Variants in L3MBTL4 observed in about 807,000 individuals in gnomAD.
The protein encoded by L3MBTL4 is L3MBTL histone methyl-lysine binding protein 4, also known as lethal(3)malignant brain tumor-like protein 4.
Under a neutral mutation model 84.5 loss-of-function variants are expected in L3MBTL4, and 70 were observed. The ratio of observed to expected loss-of-function variants is 0.83; its 90% CI spans 0.68 to 1.01. L3MBTL4 has a LOEUF of 1.01. L3MBTL4 is among the 50% of genes least tolerant of loss of function. L3MBTL4 has a pLI of 0.00. For missense variants in L3MBTL4, 715 were observed against 754.8 expected, an observed-to-expected ratio of 0.95 and a Z score of 0.62; for synonymous variants, 274 against 259.8, an observed-to-expected ratio of 1.05 and a Z score of -0.52.
intron 16 of L3MBTL4, among the ~76,000 whole-genome samples, chr18:6,066,186 A>G (rs1352810737): frequency 1.3e-5 from 2 of 152,084 alleles, no homozygotes; most frequent in Non-Finnish European, 1.5e-5. Context: ...TTTGGAGTTG[A>G]TTTCCAGTTT....
intron 16 of L3MBTL4, chr18:6,031,453 G>A (rs2055796851): frequency 1.0e-6 from 1 of 985,286 alleles, no homozygotes; most frequent in Non-Finnish European, 1.2e-6. Context: ...ACCATTCTTT[G>A]CCTCTTGAGA....
chr18:6,268,521 T>C (rs1213664347), intron 4 of L3MBTL4, among the ~76,000 whole-genome samples: 1 of 152,236 alleles, frequency 6.6e-6, no homozygotes, highest in African/African-American at 2.4e-5. Context: ...CTCAGTTTCC[T>C]GGACAGAAGG....
chr18:6,159,270 C>T (rs535169352), intron 13 of L3MBTL4, among the ~76,000 whole-genome samples: 23 of 152,246 alleles, frequency 1.5e-4, no homozygotes, highest in Middle Eastern at 3.4e-3. Context: ...TGTTCAGAGA[C>T]GGGATAACCA....
intron 16 of L3MBTL4, among the ~76,000 whole-genome samples, chr18:6,009,797 C>T: frequency 6.6e-6 from 1 of 152,196 alleles, no homozygotes; most frequent in Non-Finnish European, 1.5e-5. Context: ...CAGGTAAGGA[C>T]ACAAACGGCT....
chr18:5,996,561 G>T (rs997837645), intron 16 of L3MBTL4, among the ~76,000 whole-genome samples: 2 of 152,166 alleles, frequency 1.3e-5, no homozygotes, highest in African/African-American at 2.4e-5. Flanking sequence ...TGCGCTCTGG[G>T]GTTCTACTCA....
chr18:6,104,223 G>A (rs189829140), intron 14 of L3MBTL4, among the ~76,000 whole-genome samples: 81 of 152,250 alleles, frequency 5.3e-4, no homozygotes, highest in Admixed American at 2.1e-3. Flanking sequence ...CCCACTTCTG[G>A]ATATTTATCC....
At chr18:6,271,772 G>A (rs2048881235) in intron 4 of L3MBTL4, among the ~76,000 whole-genome samples, 1 of 152,160 alleles carries the variant, frequency 6.6e-6, no homozygotes, top group Non-Finnish European at 1.5e-5. Context: ...GTTGGAAGGA[G>A]GCGACAGAGA....
At chr18:5,981,821 A>T (rs188584369) in intron 16 of L3MBTL4, among the ~76,000 whole-genome samples, 1 of 152,168 alleles carries the variant, frequency 6.6e-6, no homozygotes, top group African/African-American at 2.4e-5. Flanking sequence ...TTTTTTTTTA[A>T]AAATAAACTC....
At chr18:6,338,756 C>T (rs996602327) in intron 1 of L3MBTL4, among the ~76,000 whole-genome samples, 2 of 151,792 alleles carry the variant, frequency 1.3e-5, no homozygotes, top group African/African-American at 4.8e-5. Context: ...AGGACAAATG[C>T]TTTAAATATA....
chr18:6,215,756 A>T lies in L3MBTL4; in HGVS notation c.864T>A (p.Phe288Leu). ...GTACCCACATAGAACTTACCATTTT[A>T]AAAACTTTGGCAGGAACTGCATTGG... ...TQTNAVPAKV[F>L]KMRLPHGFLP... Residue 288 changes from phenylalanine (F) to leucine (L), a missense_variant, in exon 11 of 19, where the codon TTT becomes TTA. Coordinates refer to ENST00000317931, the MANE Select transcript of L3MBTL4 (RefSeq NM_001330559.2). 1.3e-6 allele frequency: 2 copies of T among 1,599,376 alleles called. No individual in the cohort carries two copies. Among genetic ancestry groups the T allele is most frequent in the Non-Finnish European group, 1.7e-6 (2 of 1,172,678 alleles).
chr18:6,004,914 G>A (rs1239900350), intron 16 of L3MBTL4, among the ~76,000 whole-genome samples: 2 of 148,998 alleles, frequency 1.3e-5, no homozygotes, highest in Non-Finnish European at 1.5e-5. Context: ...AACTTCTGGA[G>A]ATGGATGGTG....
chr18:6,076,276 G>A (rs1024039911), intron 16 of L3MBTL4, among the ~76,000 whole-genome samples: 1 of 152,202 alleles, frequency 6.6e-6, no homozygotes, highest in Non-Finnish European at 1.5e-5. Context: ...TGAATAATAT[G>A]TAGCAATGAG....
chr18:6,003,328 T>C (rs1354648389), intron 16 of L3MBTL4, among the ~76,000 whole-genome samples: 2 of 151,466 alleles, frequency 1.3e-5, no homozygotes, highest in Non-Finnish European at 3.0e-5. Flanking sequence ...TGTGATATAT[T>C]AATAAAAGGT....
chr18:6,384,227 C>T (rs1191036384), intron 1 of L3MBTL4, among the ~76,000 whole-genome samples: 1 of 152,132 alleles, frequency 6.6e-6, no homozygotes, highest in Non-Finnish European at 1.5e-5. Context: ...AAATTCTCTT[C>T]TTGTATATAT....
At chr18:6,199,664 C>T (rs780534638) in intron 12 of L3MBTL4, among the ~76,000 whole-genome samples, 13 of 152,102 alleles carry the variant, frequency 8.5e-5, no homozygotes, top group Non-Finnish European at 1.2e-4. Flanking sequence ...TCCACAGCTC[C>T]GGGCAGAAGG....
At chr18:6,161,009 T>A (rs747190529) in intron 13 of L3MBTL4, among the ~76,000 whole-genome samples, 1 of 152,210 alleles carries the variant, frequency 6.6e-6, no homozygotes, top group Admixed American at 6.5e-5. Flanking sequence ...TGCCAAAATA[T>A]GACCCAGTTA....
intron 14 of L3MBTL4, among the ~76,000 whole-genome samples, chr18:6,130,442 G>GC (rs958084068): frequency 5.9e-5 from 9 of 151,820 alleles, no homozygotes; most frequent in South Asian, 2.1e-4. Flanking sequence ...TCTGATACCC[G>GC]CCCCCCCAAC....
At chr18:5,986,465 A>T (rs1168974763) in intron 16 of L3MBTL4, among the ~76,000 whole-genome samples, 1 of 152,256 alleles carries the variant, frequency 6.6e-6, no homozygotes, top group Non-Finnish European at 1.5e-5. Flanking sequence ...ATGCAACATC[A>T]TATGATGAGG....
intron 16 of L3MBTL4, chr18:6,029,285 G>T (rs1470800997): frequency 3.9e-6 from 1 of 253,310 alleles, no homozygotes; most frequent in Non-Finnish European, 6.2e-6. Context: ...GACCCTGTCT[G>T]CCCAGGAGTA....
Sources: allele counts gnomAD v4.1 joint callset (sites outside exome capture counted in the v4.1 genomes callset), GRCh38; gene constraint gnomAD v4.1.1; transcripts MANE v1.5; gene names NCBI Gene and HGNC (gene_info 2026-07-23, HGNC 2026-07-21).